The following FAM184B variants were observed in gnomAD, a reference collection of about 807,000 sequenced individuals.
FAM184B encodes family with sequence similarity 184 member B.
In FAM184B, 111 loss-of-function variants were observed where a neutral mutation model predicts 135.9. That is an observed-to-expected ratio of 0.82 (90% CI 0.70 to 0.96). The LOEUF (loss-of-function observed/expected upper bound fraction) is 0.96. Ranked by LOEUF, FAM184B falls within the 40% of genes least tolerant of loss-of-function variation. The pLI, the probability that FAM184B is intolerant of heterozygous loss-of-function variation, is 0.00. For synonymous variants in FAM184B, 552 were observed against 524.8 expected (o/e 1.05, Z -0.71); for missense variants, 1,375 against 1,323.9 (o/e 1.04, Z -0.60).
At chr4:17,739,414 G>A (rs796791868) in intron 1 of FAM184B, among the ~76,000 whole-genome samples, 8 of 152,194 alleles carry the variant, frequency 5.3e-5, no homozygotes, top group African/African-American at 1.9e-4. Context: ...ATCTCCACAG[G>A]TGTTCATTAT....
chr4:17,701,473 T>C (rs1716984564), intron 5 of FAM184B, among the ~76,000 whole-genome samples: 1 of 151,808 alleles, frequency 6.6e-6, no homozygotes, highest in Non-Finnish European at 1.5e-5. Context: ...GAGTGGAGAG[T>C]TGTCATTCAT....
intron 1 of FAM184B, among the ~76,000 whole-genome samples, chr4:17,758,877 A>T (rs1377227442): frequency 6.6e-6 from 1 of 152,192 alleles, no homozygotes; most frequent in Non-Finnish European, 1.5e-5. Context: ...GGGGTAAAAA[A>T]AAAAAACCAA....
intron 1 of FAM184B, among the ~76,000 whole-genome samples, chr4:17,728,871 A>T (rs1355219565): frequency 6.6e-6 from 1 of 152,228 alleles, no homozygotes; most frequent in African/African-American, 2.4e-5. Context: ...TACCGGGTTC[A>T]TCTCACTAGG....
chr4:17,692,411 G>A (rs7689101), intron 6 of FAM184B, among the ~76,000 whole-genome samples: 90,723 of 151,972 alleles, frequency 0.6, 27,674 homozygotes, highest in East Asian at 0.87. Context: ...TTAAAATAAT[G>A]ATTTTAGAAA....
chr4:17,667,410 G>A (rs758907116), intron 7 of FAM184B, among the ~76,000 whole-genome samples: 3 of 152,184 alleles, frequency 2.0e-5, no homozygotes, highest in Non-Finnish European at 4.4e-5. Context: ...AGCCCTTTGT[G>A]CCTTTATGAT....
chr4:17,639,966 T>C (rs1042428584), intron 13 of FAM184B, among the ~76,000 whole-genome samples: 111 of 151,764 alleles, frequency 7.3e-4, no homozygotes, highest in African/African-American at 2.6e-3. Flanking sequence ...GTGGCTGGGA[T>C]TACAGGCGCC....
At chr4:17,764,659 C>A (rs1337231107) in intron 1 of FAM184B, among the ~76,000 whole-genome samples, 1 of 152,270 alleles carries the variant, frequency 6.6e-6, no homozygotes, top group East Asian at 1.9e-4. Flanking sequence ...GAGAGCAGGG[C>A]AGTATGCTAG....
intron 16 of FAM184B, 78 bp from the exon 17 acceptor site, chr4:17,633,966 C>G: frequency 4.3e-6 from 5 of 1,159,328 alleles, no homozygotes; most frequent in Non-Finnish European, 5.7e-6. Flanking sequence ...GCAAATAATG[C>G]TCACCCAATC....
intron 7 of FAM184B, among the ~76,000 whole-genome samples, chr4:17,683,979 G>A (rs1716508079): frequency 6.6e-6 from 1 of 151,712 alleles, no homozygotes; most frequent in South Asian, 2.1e-4. Context: ...AGGAGTCTAG[G>A]CAGGAGGATT....
At chr4:17,691,092 C>A (rs4698648) in intron 6 of FAM184B, among the ~76,000 whole-genome samples, 8 of 151,914 alleles carry the variant, frequency 5.3e-5, no homozygotes, top group Non-Finnish European at 1.2e-4. Flanking sequence ...CTGAGTGACC[C>A]TTAGTCATCA....
At position 17,746,084 on chromosome 4, in the gene FAM184B, G is replaced by A. The variant is rs1453699462; in HGVS notation, c.141+35075C>T. Among the ~76,000 whole-genome samples, 3 of 151,856 alleles carry A rather than the reference G, an allele frequency of 2.0e-5. No homozygotes were observed. In the East Asian group the frequency reaches 5.8e-4, roughly 30 times the overall value. On this transcript the variant is annotated intron_variant, in intron 1 of 17. Transcript: ENST00000265018. The stretch of plus-strand genomic sequence containing the variant: ...AGTGATTCTCTTGCCTCAGCCTCCC[G>A]AGTAGCTGGGATTACAGGAGGCCGC...
chr4:17,635,710 C>A (rs978943648), intron 15 of FAM184B, among the ~76,000 whole-genome samples: 1 of 149,970 alleles, frequency 6.7e-6, no homozygotes, highest in Non-Finnish European at 1.5e-5. Context: ...TTTGTTCACA[C>A]GTAGCAAATG....
At chr4:17,649,037 C>T (rs1341453195) in intron 11 of FAM184B, among the ~76,000 whole-genome samples, 1 of 152,156 alleles carries the variant, frequency 6.6e-6, no homozygotes, top group East Asian at 1.9e-4. Context: ...GCTTTTGAGA[C>T]TCTGTATTTT....
At position 17,669,199 on chromosome 4, in the gene FAM184B, A is replaced by G. The variant is rs140325461; in HGVS notation, c.1597-4540T>C. Among the ~76,000 whole-genome samples, 206 of 152,326 alleles carry G rather than the reference A, an allele frequency of 1.4e-3. 1 individual carries two copies. The highest frequency in any genetic ancestry group is 3.8e-3 in the African/African-American group (158 of 41,580). On this transcript the variant is annotated intron_variant, in intron 7 of 17. Transcript: ENST00000265018. ...TGTATTTTCAAACATGTTGTGACTA[A>G]GCAGATTATAACCTACATGTGAACC... is the stretch of plus-strand genomic sequence containing the variant.
intron 1 of FAM184B, among the ~76,000 whole-genome samples, chr4:17,743,282 G>A (rs1328510288): frequency 6.6e-6 from 1 of 152,230 alleles, no homozygotes; most frequent in East Asian, 1.9e-4. Flanking sequence ...AGAGCTCGTG[G>A]AAAGAGGGAT....
At chr4:17,734,367 A>G (rs1381164125) in intron 1 of FAM184B, among the ~76,000 whole-genome samples, 2 of 152,142 alleles carry the variant, frequency 1.3e-5, no homozygotes, top group East Asian at 3.9e-4. Context: ...TGCACAGCAA[A>G]AGAAACTACC....
chr4:17,686,328 C>G (rs1218579532), intron 7 of FAM184B, among the ~76,000 whole-genome samples: 1 of 152,222 alleles, frequency 6.6e-6, no homozygotes, highest in African/African-American at 2.4e-5. Flanking sequence ...ATGAGGGTGC[C>G]TCTGCTCCTT....
intron 15 of FAM184B, among the ~76,000 whole-genome samples, chr4:17,636,303 A>G (rs983806357): frequency 6.6e-6 from 1 of 152,178 alleles, no homozygotes; most frequent in Non-Finnish European, 1.5e-5. Context: ...ACAGGGTTTC[A>G]ACATGGCTAG....
At chr4:17,638,968 C>A (rs553747306) in intron 14 of FAM184B, among the ~76,000 whole-genome samples, 2 of 152,294 alleles carry the variant, frequency 1.3e-5, no homozygotes, top group Non-Finnish European at 2.9e-5. Flanking sequence ...TCCAGAGTAG[C>A]TGGGATTACA....
Sources: allele counts gnomAD v4.1 joint callset (sites outside exome capture counted in the v4.1 genomes callset), GRCh38; gene constraint gnomAD v4.1.1; transcripts MANE v1.5; gene names NCBI Gene and HGNC (gene_info 2026-07-23, HGNC 2026-07-21).